The following BTBD16 variants were observed in gnomAD, a reference collection of about 807,000 sequenced individuals.
The protein encoded by BTBD16 is BTB/POZ domain-containing protein 16.
BTBD16 carries 66 observed loss-of-function variants against 67.4 expected under a neutral mutation model. That is an observed-to-expected ratio of 0.98 (90% CI 0.80 to 1.20). The LOEUF is 1.20. Ranked by LOEUF, BTBD16 falls within the 50% of genes most tolerant of loss-of-function variation. BTBD16 has a pLI of 0.00. For synonymous variants in BTBD16, 242 were observed against 236.4 expected (o/e 1.02, Z -0.22); for missense variants, 634 against 616.0 (o/e 1.03, Z -0.31).
intron 10 of BTBD16, chr10:122,328,684 T>C (rs1330278656): frequency 1.1e-6 from 1 of 920,332 alleles, no homozygotes; most frequent in Non-Finnish European, 1.3e-6. Context: ...AGTGACTGCA[T>C]TTCCAAAGGG....
At position 122,299,027 on chromosome 10, in the gene BTBD16, C is replaced by T. The variant is rs7916700; in HGVS notation, c.684C>T (p.Thr228=). 9.3e-4 allele frequency: 1,494 copies of T among 1,613,952 alleles called. 10 individuals are homozygous for T. In the African/African-American group the frequency reaches 0.018, roughly 19 times the overall value. ...AGTACAAGGAAGAGCAGCTCACCACCGGCTGCGAGAAGTGGCTGGAAATGA... is the reference window on the plus strand; with the variant it reads ...AGTACAAGGAAGAGCAGCTCACCACTGGCTGCGAGAAGTGGCTGGAAATGA... ...GCKYKEEQLT[T]GCEKWLEMNL... Residue 228 remains threonine (T), a synonymous_variant, in exon 9 of 16, where the codon ACC becomes ACT. Coordinates refer to ENST00000260723, the MANE Select transcript of BTBD16 (RefSeq NM_144587.5).
At chr10:122,311,981 C>T (rs1358933678) in intron 10 of BTBD16, among the ~76,000 whole-genome samples, 1 of 152,220 alleles carries the variant, frequency 6.6e-6, no homozygotes, top group Admixed American at 6.5e-5. Flanking sequence ...CTTGTTCATT[C>T]TCATAGGATA....
chr10:122,275,181 G>T lies in BTBD16; in HGVS notation c.18+82G>T, dbSNP rs917524336. On this transcript the variant is annotated intron_variant, in intron 2 of 15. Coordinates refer to ENST00000260723, the MANE Select transcript of BTBD16 (RefSeq NM_144587.5). ...TCATTTTGACAAATTTCCACAAGGG[G>T]CTGGGTTCTGCACCACCGAGGACCT... The T allele has an allele frequency of 6.5e-6, 9 of 1,387,868 alleles. No homozygotes were observed. In the East Asian group the frequency reaches 1.1e-4, roughly 18 times the overall value. The allele number at this position is 1,387,868 out of a possible 1,614,324, so 86.0% of individuals were successfully genotyped here. A position where few individuals can be genotyped will look rare whatever the true frequency, so the allele number is the denominator to read the frequency against.
intron 12 of BTBD16, chr10:122,332,105 G>T: frequency 4.5e-6 from 1 of 221,252 alleles, no homozygotes; most frequent in South Asian, 8.6e-5. Flanking sequence ...CCTCACCTTG[G>T]AGCCTCCCAT....
At chr10:122,277,897 G>T (rs2142044789) in intron 3 of BTBD16, among the ~76,000 whole-genome samples, 1 of 152,298 alleles carries the variant, frequency 6.6e-6, no homozygotes, top group East Asian at 1.9e-4. Flanking sequence ...CTGGTGCCAT[G>T]GACCTGGCTT....
intron 1 of BTBD16, among the ~76,000 whole-genome samples, chr10:122,273,920 T>C (rs527763720): frequency 6.6e-6 from 1 of 152,368 alleles, no homozygotes; most frequent in South Asian, 2.1e-4. Flanking sequence ...ATGGAAATTC[T>C]ATGAGGCAAG....
At chr10:122,314,912 A>G (rs2142106065) in intron 10 of BTBD16, among the ~76,000 whole-genome samples, 1 of 152,260 alleles carries the variant, frequency 6.6e-6, no homozygotes, top group African/African-American at 2.4e-5. Context: ...ACATCTTTTG[A>G]TAATGACATG....
chr10:122,286,099 C>T lies in BTBD16; in HGVS notation c.242-6C>T, dbSNP rs1160599572. On this transcript the variant is annotated splice_region_variant and splice_polypyrimidine_tract_variant and intron_variant, in intron 4 of 15. Transcript: ENST00000260723. The stretch of plus-strand genomic sequence containing the variant: ...GTGTTTGCTCAGCATCATTTTCTGT[C>T]CTCAGATGTGATTCTCGAGTGCCTG... 6.2e-7 allele frequency: 1 copy of T among 1,612,138 alleles called. No homozygotes were observed.
intron 10 of BTBD16, among the ~76,000 whole-genome samples, chr10:122,309,904 T>G (rs1299312397): frequency 6.6e-6 from 1 of 151,914 alleles, no homozygotes; most frequent in Admixed American, 6.6e-5. Context: ...CCCAAGTAGC[T>G]GGGACTACAG....
At chr10:122,301,295 A>G (rs1355350672) in intron 9 of BTBD16, among the ~76,000 whole-genome samples, 1 of 152,206 alleles carries the variant, frequency 6.6e-6, no homozygotes, top group Non-Finnish European at 1.5e-5. Flanking sequence ...CCGGAAGGTT[A>G]GCGGTGGGAT....
chr10:122,310,864 T>C (rs2096412542), intron 10 of BTBD16, among the ~76,000 whole-genome samples: 1 of 152,188 alleles, frequency 6.6e-6, no homozygotes, highest in African/African-American at 2.4e-5. Flanking sequence ...ACCCGGACCT[T>C]GACCCTACCA....
At position 122,330,893 on chromosome 10, in the gene BTBD16, T is replaced by C. The variant is rs1056856990; in HGVS notation, c.1004-283T>C. Among the ~76,000 whole-genome samples the C allele has an allele frequency of 2.0e-5, 3 of 152,206 alleles. No homozygotes were observed. The East Asian group carries it at 5.8e-4, about 29-fold the overall frequency. ...AAAGATGTGCACCACCACGCGCAGC[T>C]AGTTTTAGTAGTGGTGGGGTTTCGC... On this transcript the variant is annotated intron_variant, in intron 11 of 15. Transcript: ENST00000260723.
chr10:122,289,371 T>A (rs2096369611), intron 5 of BTBD16, among the ~76,000 whole-genome samples: 1 of 152,184 alleles, frequency 6.6e-6, no homozygotes, highest in Admixed American at 6.5e-5. Context: ...AGGCGAGGGA[T>A]ACGTGGGAAC....
chr10:122,312,309 C>CTTTTTTTTTTTTTTTTTTTTTTTTTT (rs58045019), intron 10 of BTBD16, among the ~76,000 whole-genome samples: 1 of 105,624 alleles, frequency 9.5e-6, no homozygotes, highest in Non-Finnish European at 1.8e-5. Context: ...TTTTCTTTTT[C>CTTTTTTTTTTTTTTTTTTTTTTTTTT]TTTTTTTTTT....
At chr10:122,272,845 T>G (rs6585807) in intron 1 of BTBD16, among the ~76,000 whole-genome samples, 96,926 of 151,696 alleles carry the variant, frequency 0.64, 32,360 homozygotes, top group East Asian at 0.89. Context: ...AAAATGCTAG[T>G]GAGACTACAG....
intron 13 of BTBD16, 44 bp downstream of exon 13, chr10:122,332,557 C>G (rs369499344): frequency 6.3e-7 from 1 of 1,579,372 alleles, no homozygotes; most frequent in East Asian, 2.2e-5. Context: ...CTGTTCCTCT[C>G]GTGCTTAGTT....
intron 3 of BTBD16, among the ~76,000 whole-genome samples, chr10:122,282,594 A>G (rs1193988944): frequency 6.6e-6 from 1 of 152,230 alleles, no homozygotes; most frequent in Non-Finnish European, 1.5e-5. Context: ...ACTGTCTTTA[A>G]GCTGCGAATA....
chr10:122,325,105 G>A (rs529342711), intron 10 of BTBD16, among the ~76,000 whole-genome samples: 1 of 152,314 alleles, frequency 6.6e-6, no homozygotes, highest in East Asian at 1.9e-4. Context: ...GCCTGTATGT[G>A]CAGCAAGTGT....
chr10:122,284,704 A>T (rs907102686), intron 4 of BTBD16, among the ~76,000 whole-genome samples: 2 of 144,498 alleles, frequency 1.4e-5, no homozygotes, highest in Admixed American at 1.4e-4. Flanking sequence ...TTTTGGATAA[A>T]GCCTACTGCA....
Sources: gnomAD v4.1 joint callset for allele counts (sites outside exome capture counted in the v4.1 genomes callset) on GRCh38, gnomAD v4.1.1 for gene constraint, MANE v1.5 for transcripts, NCBI Gene and HGNC (gene_info 2026-07-23, HGNC 2026-07-21) for gene names.